HSPG2: variants seen among roughly 807,000 people sequenced by gnomAD.
The protein encoded by HSPG2 is heparan sulfate proteoglycan 2, also known as basement membrane-specific heparan sulfate proteoglycan core protein.
In HSPG2, 278 loss-of-function variants were observed where a neutral mutation model predicts 526.6. That is an observed-to-expected ratio of 0.53 (90% CI 0.48 to 0.58). HSPG2 has a LOEUF of 0.58. Among genes scored for constraint, HSPG2 ranks in the 20% least tolerant of loss-of-function variants. The probability of loss-of-function intolerance (pLI) is 0.00; values close to 1 mark genes in which losing one functional copy is unlikely to be tolerated. For synonymous variants in HSPG2, 2,465 were observed against 2,555.4 expected (o/e 0.96, Z 1.07); for missense variants, 5,354 against 6,099.5 (o/e 0.88, Z 4.07).
At position 21,839,399 on chromosome 1, in the gene HSPG2, A is replaced by G. The variant is rs1242123531; in HGVS notation, c.9861T>C (p.Ala3287=). The part of the protein sequence containing the change: ...ICNATSPAGH[A]EATIILHVES... ...CCACGTGCAGGATGATGGTGGCCTC[A>G]GCGTGCCCAGCAGGGCTAGTGGCAT... Residue 3287 remains alanine (A), a synonymous_variant, in exon 73 of 97, where the codon GCT becomes GCC. Transcript: ENST00000374695. The surrounding 1 kb of genome is among the most constrained non-coding windows in gnomAD (Gnocchi z 4.5). The G allele has an allele frequency of 6.2e-7, 1 of 1,613,580 alleles. No individual in the cohort carries two copies. The highest frequency in any genetic ancestry group is 2.2e-5 in the East Asian group (1 of 44,864).
chr1:21,835,102 T>C, intron 76 of HSPG2, 157 bp from the exon 77 acceptor site: 6 of 830,832 alleles, frequency 7.2e-6, no homozygotes, highest in Non-Finnish European at 9.9e-6. Context: ...ACACACTCAC[T>C]TGTCAGGTCT....
At chr1:21,907,664 T>G (rs1468784461) in intron 1 of HSPG2, among the ~76,000 whole-genome samples, 1 of 152,156 alleles carries the variant, frequency 6.6e-6, no homozygotes, top group Non-Finnish European at 1.5e-5. Flanking sequence ...AGTATAGGTG[T>G]ACATCACTAC....
Position 21,828,818 on chromosome 1 carries a change from G to A in HSPG2, c.12237+17C>T, listed in dbSNP as rs539128947. Reference sequence around the variant, plus strand: ...GCACCCCTCCCCTCCCGCTTGTCCCGAGGAGGCTGCTCTTACCTCGCCCAC... The same window carrying A: ...GCACCCCTCCCCTCCCGCTTGTCCCAAGGAGGCTGCTCTTACCTCGCCCAC... On this transcript the variant is annotated intron_variant, in intron 88 of 96. Coordinates refer to ENST00000374695, the MANE Select transcript of HSPG2 (RefSeq NM_005529.7). The surrounding 1 kb of genome is among the most constrained non-coding windows in gnomAD (Gnocchi z 6.0). The A allele has an allele frequency of 3.9e-5, 60 of 1,548,838 alleles. 1 individual carries two copies. In the South Asian group the frequency reaches 5.0e-4, roughly 13 times the overall value.
chr1:21,847,232 A>G lies in HSPG2; in HGVS notation c.8164+122T>C. 9.2e-7 allele frequency: 1 copy of G among 1,081,498 alleles called. No individual in the cohort carries two copies. The highest frequency in any genetic ancestry group is 1.4e-6 in the Non-Finnish European group (1 of 713,140). The allele number at this position is 1,081,498 out of a possible 1,614,324, so 67.0% of individuals were successfully genotyped here. ...TGGGGTAGCCGTAGCCACTGAACCC[A>G]CGCATCTTTCCGCTGGCCCTTGCCT... On this transcript the variant is annotated intron_variant, in intron 62 of 96. Coordinates refer to ENST00000374695, the MANE Select transcript of HSPG2 (RefSeq NM_005529.7). The surrounding 1 kb of genome is among the most constrained non-coding windows in gnomAD (Gnocchi z 4.1).
At chr1:21,834,569 T>C (rs2098018550) in intron 77 of HSPG2, 110 bp downstream of exon 77, 1 of 1,318,448 alleles carries the variant, frequency 7.6e-7, no homozygotes, top group Non-Finnish European at 1.1e-6. Context: ...CAATGGAAAA[T>C]GTCCCAAGTG....
intron 1 of HSPG2, among the ~76,000 whole-genome samples, chr1:21,901,660 C>A (rs1054165951): frequency 6.6e-6 from 1 of 152,090 alleles, no homozygotes; most frequent in African/African-American, 2.4e-5. Flanking sequence ...CGACTGCCCC[C>A]GCAGCTAGGC....
At position 21,872,046 on chromosome 1, in the gene HSPG2, A is replaced by G. The variant is rs1338912038; in HGVS notation, c.4221+140T>C. On this transcript the variant is annotated intron_variant, in intron 33 of 96. Coordinates refer to ENST00000374695, the MANE Select transcript of HSPG2 (RefSeq NM_005529.7). The surrounding 1 kb of genome is among the most constrained non-coding windows in gnomAD (Gnocchi z 5.5). The stretch of plus-strand genomic sequence containing the variant: ...AAGCGGCAGAGCTGGGGTTCAGACC[A>G]ATGTCTATGGGACTGCAAAAGCCAC... 2 of 823,476 alleles carry G rather than the reference A, an allele frequency of 2.4e-6. No individual in the cohort carries two copies. Among genetic ancestry groups the G allele is most frequent in the Admixed American group, 2.2e-5 (1 of 46,402 alleles). 51.0% of individuals were successfully genotyped at this position (823,476 alleles called of 1,614,324 possible). A position where few individuals can be genotyped will look rare whatever the true frequency, so the allele number is the denominator to read the frequency against.
At position 21,852,107 on chromosome 1, in the gene HSPG2, C is replaced by T; in HGVS notation, c.6851G>A (p.Ser2284Asn). The T allele has an allele frequency of 6.2e-7, 1 of 1,613,666 alleles. No individual in the cohort carries two copies. Among genetic ancestry groups the T allele is most frequent in the Non-Finnish European group, 8.5e-7 (1 of 1,180,026 alleles). ...CTGTACCTGGTGCCGGGCAGGGAGG[C>T]TGCCCCCACGCTTGTACCATGTGAC... ...AQVTWYKRGG[S>N]LPARHQVRGS... Residue 2284 changes from serine to asparagine, a missense_variant, in exon 53 of 97, where the codon AGC (serine) becomes AAC (asparagine). Physicochemically the swap from Ser to Asn is conservative, Grantham distance 46 (BLOSUM62 1). Coordinates refer to ENST00000374695, the MANE Select transcript of HSPG2 (RefSeq NM_005529.7).
In HSPG2 at chr1:21,839,407, C is replaced by T; in HGVS notation, c.9853G>A (p.Gly3285Arg). The T allele has an allele frequency of 6.2e-7, 1 of 1,613,798 alleles. No homozygotes were observed. Among genetic ancestry groups the T allele is most frequent in the Non-Finnish European group, 8.5e-7 (1 of 1,179,998 alleles). The change falls in exon 73 of 97, where the codon GGG becomes AGG. Residue 3285 changes from glycine to arginine, a missense_variant. Gly to Arg is a moderately radical substitution (Grantham distance 125, BLOSUM62 -2). Transcript: ENST00000374695. This position sits in a 1 kb window ranked among gnomAD's most constrained non-coding sequence, Gnocchi z 4.5. ...AGGATGATGGTGGCCTCAGCGTGCC[C>T]AGCAGGGCTAGTGGCATTGCAGATG... is the stretch of plus-strand genomic sequence containing the variant. ...QYICNATSPA[G>R]HAEATIILHV...
rs755668278 is a variant in HSPG2, at chr1:21,864,814, A to G, written c.4626+29T>C. On this transcript the variant is annotated intron_variant, in intron 36 of 96. Coordinates refer to ENST00000374695, the MANE Select transcript of HSPG2 (RefSeq NM_005529.7). This position sits in a 1 kb window ranked among gnomAD's most constrained non-coding sequence, Gnocchi z 4.8. ...CTTGCTGATGCCTCTGTGCCTGTGC[A>G]GAGGTGGTGGAGCTGGCCACACACT... 77 of 1,570,544 alleles carry G rather than the reference A, an allele frequency of 4.9e-5. No homozygotes were observed. The highest frequency in any genetic ancestry group is 6.2e-5 in the Non-Finnish European group (71 of 1,149,952).
In HSPG2 at chr1:21,839,047, C is replaced by A. The variant is rs752903288; in HGVS notation, c.9928G>T (p.Val3310Leu). 4 of 1,595,582 alleles carry A rather than the reference C, an allele frequency of 2.5e-6. No homozygotes were observed. Among genetic ancestry groups the A allele is most frequent in the Non-Finnish European group, 2.6e-6 (3 of 1,165,960 alleles). The change falls in exon 74 of 97, where the codon GTG (valine) becomes TTG (leucine). Residue 3310 changes from valine to leucine, a missense_variant. By Grantham distance (32) the Val-to-Leu change is conservative. Transcript: ENST00000374695. This position sits in a 1 kb window ranked among gnomAD's most constrained non-coding sequence, Gnocchi z 4.5. ...AGCTGCACCGTCTCCCCTGCCTGCA[C>A]CGAAGCGTGCTCTGGGACCGTGGTG... ...YATTVPEHAS[V>L]QAGETVQLQC... is the part of the protein sequence containing the mutation.
In HSPG2 at chr1:21,851,395, A is replaced by T. The variant is rs1572224171; in HGVS notation, c.7158+151T>A. ...ATTCACACCCAGGTTAGTCAGTCCT[A>T]GATTCTGGTTTCTAACCACTGCACT... On this transcript the variant is annotated intron_variant, in intron 55 of 96. Coordinates refer to ENST00000374695, the MANE Select transcript of HSPG2 (RefSeq NM_005529.7). The T allele has an allele frequency of 8.0e-6, 9 of 1,129,240 alleles. No individual in the cohort carries two copies. The East Asian group carries it at 2.3e-4, about 29-fold the overall frequency. 70.0% of individuals were successfully genotyped at this position (1,129,240 alleles called of 1,614,324 possible). A position where few individuals can be genotyped will look rare whatever the true frequency, so the allele number is the denominator to read the frequency against.
chr1:21,890,259 A>C lies in HSPG2; in HGVS notation c.414-118T>G. 7.3e-7 allele frequency: 1 copy of C among 1,374,680 alleles called. No homozygotes were observed. The allele number at this position is 1,374,680 out of a possible 1,614,324, so 85.2% of individuals were successfully genotyped here. On this transcript the variant is annotated intron_variant, in intron 5 of 96. Transcript: ENST00000374695. This position sits in a 1 kb window ranked among gnomAD's most constrained non-coding sequence, Gnocchi z 4.1. ...TTCCGGGACAGCCTGTACCCAAAGA[A>C]GGGCAACTAAAGGTCCCAATGATCC... is the stretch of plus-strand genomic sequence containing the variant.
chr1:21,936,774 T>C, intron 1 of HSPG2, among the ~76,000 whole-genome samples: 1 of 152,156 alleles, frequency 6.6e-6, no homozygotes, highest in Non-Finnish European at 1.5e-5. Flanking sequence ...TCTGCCAAGC[T>C]GGCGCAGAAG....
intron 52 of HSPG2, 40 bp downstream of exon 52, chr1:21,852,660 C>T (rs1638993536): frequency 6.2e-7 from 1 of 1,611,824 alleles, no homozygotes; most frequent in Non-Finnish European, 8.5e-7. Context: ...GGAGGCCTCT[C>T]TGCCTCCTCC....
Position 21,855,436 on chromosome 1 carries a change from C to A in HSPG2, c.5865G>T (p.Gly1955=), listed in dbSNP as rs200065575. 3.7e-6 allele frequency: 6 copies of A among 1,613,014 alleles called. No homozygotes were observed. In the Admixed American group the frequency reaches 5.0e-5, roughly 13 times the overall value. ...RAVLHVHGGG[G]PRVQVSPERT... ...TCTCTGGGCTCACTTGGACTCTGGGCCCACCGCCCCCTGCAGACAGAGTCC... is the reference window on the plus strand; with the variant it reads ...TCTCTGGGCTCACTTGGACTCTGGGACCACCGCCCCCTGCAGACAGAGTCC... The change falls in exon 47 of 97, where the codon GGG becomes GGT. Residue 1955 remains glycine (G), a synonymous_variant. Coordinates refer to ENST00000374695, the MANE Select transcript of HSPG2 (RefSeq NM_005529.7).
Position 21,848,691 on chromosome 1 carries a change from G to A in HSPG2, c.7689C>T (p.His2563=), listed in dbSNP as rs1054686028. The change falls in exon 59 of 97, where the codon CAC becomes CAT. Residue 2563 remains histidine (H), a synonymous_variant. Transcript: ENST00000374695. The surrounding 1 kb of genome is among the most constrained non-coding windows in gnomAD (Gnocchi z 4.9). ...CTCCACGCTTATACCAGGTGATGGT[G>A]TGGGGAGCCTGGCTGGCAACCAGGC... ...LNCLVASQAP[H]TITWYKRGGS... 3.1e-6 allele frequency: 5 copies of A among 1,613,764 alleles called. No individual in the cohort carries two copies. In the African/African-American group the frequency reaches 5.3e-5, roughly 17 times the overall value.
chr1:21,829,392 A>C lies in HSPG2; in HGVS notation c.11983T>G (p.Leu3995Val). Residue 3995 changes from leucine (L) to valine (V), a missense_variant, in exon 87 of 97, where the codon TTG becomes GTG. Leu to Val is a conservative substitution (Grantham distance 32). Coordinates refer to ENST00000374695, the MANE Select transcript of HSPG2 (RefSeq NM_005529.7). ...VGGHLEFRYELGSGLAVLRSA... is the reference protein window; with the variant it reads ...VGGHLEFRYEVGSGLAVLRSA... The stretch of plus-strand genomic sequence containing the variant: ...GGTGCTGGGTGCTTACCTGACCCCA[A>C]CTCATAGCGGAACTCCAGGTGGCCG... The C allele has an allele frequency of 1.2e-6, 2 of 1,613,260 alleles. No homozygotes were observed. Among genetic ancestry groups the C allele is most frequent in the Non-Finnish European group, 1.7e-6 (2 of 1,179,896 alleles).
chr1:21,889,922 A>G (rs1642228486), intron 6 of HSPG2, 59 bp downstream of exon 6: 1 of 1,586,138 alleles, frequency 6.3e-7, no homozygotes, highest in African/African-American at 1.3e-5. Flanking sequence ...TGGCAGAGAC[A>G]CTGAAAGGGG....
Sources: allele counts gnomAD v4.1 joint callset (sites outside exome capture counted in the v4.1 genomes callset), GRCh38; gene constraint gnomAD v4.1.1; non-coding constraint Gnocchi (gnomAD v3.1); transcripts MANE v1.5; gene names NCBI Gene and HGNC (gene_info 2026-07-23, HGNC 2026-07-21).